RARB: variants seen among roughly 807,000 people sequenced by gnomAD.
RARB encodes HBV-activated protein.
RARB carries 17 observed loss-of-function variants against 51.9 expected under a neutral mutation model. The ratio of observed to expected loss-of-function variants is 0.33; its 90% confidence interval spans 0.22 to 0.49. RARB has a LOEUF of 0.49. Among genes scored for constraint, RARB ranks in the 20% least tolerant of loss-of-function variants. The pLI, the probability that RARB is intolerant of heterozygous loss-of-function variation, is 0.99. For synonymous variants in RARB, 215 were observed against 195.4 expected (o/e 1.10, Z -0.84); for missense variants, 369 against 550.8 (o/e 0.67, Z 3.30).
At chr3:25,196,333 T>C (rs1216030196) in intron 5 of RARB, among the ~76,000 whole-genome samples, 1 of 152,060 alleles carries the variant, frequency 6.6e-6, no homozygotes, top group African/African-American at 2.4e-5. Context: ...TGGTTTTCTG[T>C]CCTTGTGATA....
chr3:25,291,264 C>A (rs1021533198), intron 5 of RARB, among the ~76,000 whole-genome samples: 1 of 152,116 alleles, frequency 6.6e-6, no homozygotes, highest in Non-Finnish European at 1.5e-5. Flanking sequence ...AAGATCAGTT[C>A]GAGTTCAAGC....
intron 5 of RARB, among the ~76,000 whole-genome samples, chr3:25,421,409 T>A (rs1280173396): frequency 1.5e-5 from 2 of 132,810 alleles, no homozygotes; most frequent in South Asian, 2.6e-4. Context: ...TTTTCTTTTT[T>A]TTTTTTTTTT....
At chr3:24,996,838 G>C (rs1697050338) in intron 2 of RARB, among the ~76,000 whole-genome samples, 1 of 151,434 alleles carries the variant, frequency 6.6e-6, no homozygotes, top group South Asian at 2.1e-4. Context: ...ATTTTGGTTT[G>C]TGAAAAAAAA....
chr3:25,131,653 G>C (rs1699955846), intron 3 of RARB, among the ~76,000 whole-genome samples: 1 of 151,926 alleles, frequency 6.6e-6, no homozygotes, highest in African/African-American at 2.4e-5. Context: ...AGTCTATGAT[G>C]GATCCTATTC....
chr3:25,593,842 C>G, intron 6 of RARB, 135 bp downstream of exon 6: 1 of 776,022 alleles, frequency 1.3e-6, no homozygotes, highest in Non-Finnish European at 2.0e-6. Flanking sequence ...GGCATACATG[C>G]CTGGTTTCAT....
At chr3:25,488,986 A>G (rs1696599298) in intron 2 of RARB, among the ~76,000 whole-genome samples, 1 of 152,218 alleles carries the variant, frequency 6.6e-6, no homozygotes, top group South Asian at 2.1e-4. Flanking sequence ...CAGGTATGAA[A>G]TGGAAAAGCA....
chr3:25,256,775 G>T (rs760557924), intron 5 of RARB, among the ~76,000 whole-genome samples: 1 of 151,908 alleles, frequency 6.6e-6, no homozygotes, highest in Non-Finnish European at 1.5e-5. Flanking sequence ...TTTGGCAAAC[G>T]TGTATAATGA....
chr3:25,295,001 CT>C (rs1430758843), intron 5 of RARB, among the ~76,000 whole-genome samples: 1 of 152,122 alleles, frequency 6.6e-6, no homozygotes, highest in African/African-American at 2.4e-5. Flanking sequence ...AGTATTTCTG[CT>C]TTTTTCTCGA....
chr3:25,254,514 A>G (rs1031643096), intron 5 of RARB, among the ~76,000 whole-genome samples: 3 of 152,152 alleles, frequency 2.0e-5, no homozygotes, highest in African/African-American at 4.8e-5. Flanking sequence ...CACTGAAACA[A>G]TATCATTATT....
At chr3:25,261,835 T>G (rs1703005458) in intron 5 of RARB, among the ~76,000 whole-genome samples, 1 of 152,166 alleles carries the variant, frequency 6.6e-6, no homozygotes, top group Admixed American at 6.6e-5. Flanking sequence ...CCTGCTTGTC[T>G]TATGGGGCAC....
chr3:25,541,613 G>C (rs1357104331), intron 3 of RARB, among the ~76,000 whole-genome samples: 1 of 152,200 alleles, frequency 6.6e-6, no homozygotes, highest in Admixed American at 6.5e-5. Context: ...GTCAAAAAGG[G>C]AGAGTTTAGC....
chr3:25,499,740 G>A (rs561003697), intron 2 of RARB, among the ~76,000 whole-genome samples: 1 of 152,150 alleles, frequency 6.6e-6, no homozygotes, highest in African/African-American at 2.4e-5. Flanking sequence ...GTTTAAAGGA[G>A]GATATGAGAA....
intron 3 of RARB, among the ~76,000 whole-genome samples, chr3:25,078,084 G>T (rs145727158): frequency 6.6e-6 from 1 of 151,956 alleles, no homozygotes; most frequent in African/African-American, 2.4e-5. Context: ...GATATAGTTT[G>T]CCTATGGATA....
chr3:25,399,805 G>C (rs1402096756), intron 5 of RARB, among the ~76,000 whole-genome samples: 3 of 152,186 alleles, frequency 2.0e-5, no homozygotes, highest in Non-Finnish European at 2.9e-5. Context: ...CACAGGCAGA[G>C]ACTGTTGCAT....
intron 3 of RARB, among the ~76,000 whole-genome samples, chr3:25,121,760 A>T (rs945735493): frequency 3.5e-4 from 53 of 152,310 alleles, no homozygotes; most frequent in African/African-American, 1.2e-3. Flanking sequence ...TATGTTTTTT[A>T]AATTTCTACA....
intron 2 of RARB, among the ~76,000 whole-genome samples, chr3:24,866,827 T>A (rs142221666): frequency 6.6e-6 from 1 of 152,148 alleles, no homozygotes; most frequent in African/African-American, 2.4e-5. Flanking sequence ...CAGGGTTTTA[T>A]TATTCAAATC....
rs552160282 is a variant in RARB, at chr3:25,573,260, C to CT, written c.609+3343dup. On this transcript the variant is annotated intron_variant, in intron 4 of 7. Transcript: ENST00000330688. ...AACTATCGTGCATTCCAATTCTAGT[C>CT]TCAGCCTCGGCTTCTGGCCTAAGAG... Among the ~76,000 whole-genome samples the CT allele has an allele frequency of 1.9e-4, 29 of 152,286 alleles. 3 individuals are homozygous for CT. In the South Asian group the frequency reaches 2.1e-3, roughly 11 times the overall value.
intron 5 of RARB, among the ~76,000 whole-genome samples, chr3:25,373,657 G>A (rs1052852474): frequency 2.0e-5 from 3 of 152,120 alleles, no homozygotes; most frequent in Non-Finnish European, 4.4e-5. Context: ...GATCTGTACT[G>A]TTGTGTATTC....
intron 2 of RARB, among the ~76,000 whole-genome samples, chr3:24,937,569 G>T (rs573189768): frequency 6.6e-6 from 1 of 152,278 alleles, no homozygotes; most frequent in African/African-American, 2.4e-5. Flanking sequence ...GAGGAAGGCA[G>T]GGAAGCAAAC....
Sources: allele counts gnomAD v4.1 joint callset (sites outside exome capture counted in the v4.1 genomes callset), GRCh38; gene constraint gnomAD v4.1.1; transcripts MANE v1.5; gene names NCBI Gene and HGNC (gene_info 2026-07-23, HGNC 2026-07-21).